Variants in MYO3B observed in about 807,000 individuals in gnomAD.
MYO3B encodes myosin-IIIb.
A neutral mutation model predicts 174.6 loss-of-function variants in MYO3B; 156 were observed. That is an observed-to-expected ratio of 0.89 (90% CI 0.78 to 1.02). The LOEUF (loss-of-function observed/expected upper bound fraction) is 1.02. Ranked by LOEUF, MYO3B falls within the 50% of genes least tolerant of loss-of-function variation. The pLI, the probability that MYO3B is intolerant of heterozygous loss-of-function variation, is 0.00. For missense variants in MYO3B, 1,632 were observed against 1,639.4 expected (o/e 1.00, Z 0.08); for synonymous variants, 563 against 569.1 (o/e 0.99, Z 0.15).
At position 170,264,804 on chromosome 2, in the gene MYO3B, T is replaced by C. The variant is rs111523449; in HGVS notation, c.749+28668T>C. Among the ~76,000 whole-genome samples, 8 of 152,290 alleles carry C rather than the reference T, an allele frequency of 5.3e-5. 1 individual carries two copies. The highest frequency in any genetic ancestry group is 1.9e-4 in the African/African-American group (8 of 41,554). On this transcript the variant is annotated intron_variant, in intron 7 of 34. Coordinates refer to ENST00000408978, the MANE Select transcript of MYO3B (RefSeq NM_138995.5). ...GTTGGATTTGACATTTGAGAGACTT[T>C]GGGTGATGGCTTAGTTTTGGAGGAT...
intron 30 of MYO3B, among the ~76,000 whole-genome samples, chr2:170,523,416 A>G (rs944672998): frequency 2.7e-5 from 4 of 150,702 alleles, no homozygotes; most frequent in African/African-American, 9.8e-5. Flanking sequence ...TGTTCTGTGA[A>G]TCAACAAGGG....
intron 25 of MYO3B, among the ~76,000 whole-genome samples, chr2:170,470,355 G>A (rs148356700): frequency 0.012 from 1,753 of 152,060 alleles, 13 homozygotes; most frequent in Non-Finnish European, 0.016. Context: ...ATCATACAAC[G>A]TGGCCTTTTG....
At chr2:170,623,290 C>T (rs368720553) in intron 32 of MYO3B, among the ~76,000 whole-genome samples, 16 of 152,190 alleles carry the variant, frequency 1.1e-4, no homozygotes, top group African/African-American at 3.4e-4. Flanking sequence ...TGGTATCTCA[C>T]TGTGGTTTTG....
intron 32 of MYO3B, among the ~76,000 whole-genome samples, chr2:170,628,063 C>G (rs929221760): frequency 6.6e-6 from 1 of 152,212 alleles, no homozygotes; most frequent in African/African-American, 2.4e-5. Flanking sequence ...AACCACTACT[C>G]TCTTCAAAGC....
intron 16 of MYO3B, among the ~76,000 whole-genome samples, chr2:170,395,719 C>T (rs2094439175): frequency 6.6e-6 from 1 of 151,824 alleles, no homozygotes. Context: ...TAATGCAGTG[C>T]TTAGGGAAGA....
intron 30 of MYO3B, among the ~76,000 whole-genome samples, chr2:170,531,799 G>A (rs1040642108): frequency 2.6e-5 from 4 of 152,018 alleles, no homozygotes; most frequent in Non-Finnish European, 5.9e-5. Context: ...AAGGAAGGAA[G>A]GAAGGAAGAG....
At chr2:170,625,355 G>T (rs1696319061) in intron 32 of MYO3B, among the ~76,000 whole-genome samples, 1 of 152,198 alleles carries the variant, frequency 6.6e-6, no homozygotes, top group African/African-American at 2.4e-5. Context: ...TATTTGCATA[G>T]AGGTGTTTAT....
At position 170,617,757 on chromosome 2, in the gene MYO3B, A is replaced by G. The variant is rs368781619; in HGVS notation, c.3734-33871A>G. Among the ~76,000 whole-genome samples the G allele has an allele frequency of 8.5e-5, 13 of 152,306 alleles. No individual in the cohort carries two copies. In the East Asian group the frequency reaches 1.3e-3, roughly 16 times the overall value. On this transcript the variant is annotated intron_variant, in intron 32 of 34. Coordinates refer to ENST00000408978, the MANE Select transcript of MYO3B (RefSeq NM_138995.5). ...TTTTGATAAGTAATATTATAGAGAAAATGTTGACAATCTCTGTGACCTTGA... is the reference window on the plus strand; with the variant it reads ...TTTTGATAAGTAATATTATAGAGAAGATGTTGACAATCTCTGTGACCTTGA...
intron 32 of MYO3B, among the ~76,000 whole-genome samples, chr2:170,618,338 T>A: frequency 6.6e-6 from 1 of 152,060 alleles, no homozygotes; most frequent in African/African-American, 2.4e-5. Context: ...GGTAGAAGGA[T>A]CAGTGTCATC....
intron 32 of MYO3B, among the ~76,000 whole-genome samples, chr2:170,555,292 A>G (rs951344060): frequency 6.6e-6 from 1 of 152,140 alleles, no homozygotes; most frequent in Non-Finnish European, 1.5e-5. Flanking sequence ...TTATTATTAC[A>G]TTAGAGTTCA....
chr2:170,434,732 A>G (rs1430481150), intron 22 of MYO3B, among the ~76,000 whole-genome samples: 3 of 152,238 alleles, frequency 2.0e-5, no homozygotes, highest in Non-Finnish European at 4.4e-5. Context: ...ATATTCTTTG[A>G]AAAGAAATTT....
chr2:170,615,885 T>C (rs1046109898), intron 32 of MYO3B, among the ~76,000 whole-genome samples: 1 of 152,146 alleles, frequency 6.6e-6, no homozygotes, highest in African/African-American at 2.4e-5. Context: ...TTAGGGTCAT[T>C]TGATTATGAG....
At chr2:170,499,503 A>G (rs1687085665) in intron 26 of MYO3B, 143 bp from the exon 27 acceptor site, 1 of 734,892 alleles carries the variant, frequency 1.4e-6, no homozygotes. Flanking sequence ...ACCTCCATGA[A>G]GTCAGTAATG....
intron 7 of MYO3B, among the ~76,000 whole-genome samples, chr2:170,310,024 G>A (rs928338880): frequency 2.6e-5 from 4 of 152,040 alleles, no homozygotes; most frequent in South Asian, 2.1e-4. Context: ...ATGTATGGCC[G>A]TTTGTATTTG....
chr2:170,430,374 CTTTT>C (rs11368801), intron 22 of MYO3B, among the ~76,000 whole-genome samples: 1 of 136,722 alleles, frequency 7.3e-6, no homozygotes, highest in African/African-American at 2.7e-5. Flanking sequence ...TTCTGGATAG[CTTTT>C]TTTTTTTTTT....
At chr2:170,592,134 T>C (rs1444078683) in intron 32 of MYO3B, among the ~76,000 whole-genome samples, 1 of 152,170 alleles carries the variant, frequency 6.6e-6, no homozygotes. Context: ...TCCAACCAGA[T>C]CTACCTGAGC....
intron 25 of MYO3B, among the ~76,000 whole-genome samples, chr2:170,478,159 A>T (rs1231251280): frequency 6.6e-6 from 1 of 152,122 alleles, no homozygotes; most frequent in African/African-American, 2.4e-5. Context: ...TCCCGTGACC[A>T]TTCCTAGCTT....
intron 6 of MYO3B, among the ~76,000 whole-genome samples, chr2:170,230,734 T>C (rs1056480487): frequency 1.3e-5 from 2 of 152,182 alleles, no homozygotes; most frequent in African/African-American, 4.8e-5. Context: ...GATAAAATAA[T>C]TATTAGCCAT....
rs2094496579 is a variant in MYO3B at position 170,404,276 on chromosome 2, T to C, written c.2307T>C (p.Ala769=). Residue 769 remains alanine (A), a synonymous_variant, in exon 20 of 35, where the codon GCT becomes GCC. Coordinates refer to ENST00000408978, the MANE Select transcript of MYO3B (RefSeq NM_138995.5). ...AATATCAGAATGAAGGCATTGATGCTGTACCCGTGGAATATGAGGACAACC... is the reference window on the plus strand; with the variant it reads ...AATATCAGAATGAAGGCATTGATGCCGTACCCGTGGAATATGAGGACAACC... ...QMEYQNEGID[A]VPVEYEDNRP... is the part of the protein sequence containing the mutation. 1 of 1,612,054 alleles carries C rather than the reference T, an allele frequency of 6.2e-7. No homozygotes were observed. The highest frequency in any genetic ancestry group is 1.7e-5 in the Admixed American group (1 of 59,558).
Sources: gnomAD v4.1 joint callset for allele counts (sites outside exome capture counted in the v4.1 genomes callset) on GRCh38, gnomAD v4.1.1 for gene constraint, MANE v1.5 for transcripts, NCBI Gene and HGNC (gene_info 2026-07-23, HGNC 2026-07-21) for gene names.